The following ADAR variants were observed in gnomAD, a reference collection of about 807,000 sequenced individuals.
The protein encoded by ADAR is double-stranded RNA-specific adenosine deaminase.
ADAR carries 41 observed loss-of-function variants against 113.2 expected under a neutral mutation model. That is an observed-to-expected ratio of 0.36 (90% CI 0.28 to 0.47). The LOEUF (loss-of-function observed/expected upper bound fraction) is 0.47. ADAR is among the 20% of genes least tolerant of loss of function. The probability of loss-of-function intolerance (pLI) is 1.00; values close to 1 mark genes in which losing one functional copy is unlikely to be tolerated. For synonymous variants in ADAR, 605 were observed against 572.6 expected (o/e 1.06, Z -0.81); for missense variants, 1,242 against 1,540.9 (o/e 0.81, Z 3.25).
intron 1 of ADAR, among the ~76,000 whole-genome samples, chr1:154,625,690 C>T (rs1366154057): frequency 6.6e-6 from 1 of 152,166 alleles, no homozygotes; most frequent in East Asian, 1.9e-4. Context: ...GAAACCCCAT[C>T]TCTACTAAAA....
At chr1:154,617,480 C>A (rs1698664911) in intron 1 of ADAR, among the ~76,000 whole-genome samples, 1 of 152,150 alleles carries the variant, frequency 6.6e-6, no homozygotes, top group South Asian at 2.1e-4. Context: ...TAAACCAACA[C>A]AAAACCTCTT....
At chr1:154,619,333 T>A (rs1194717816) in intron 1 of ADAR, among the ~76,000 whole-genome samples, 3 of 152,114 alleles carry the variant, frequency 2.0e-5, no homozygotes, top group African/African-American at 7.2e-5. Flanking sequence ...AAACAATCTG[T>A]CTGGGGCTGT....
At chr1:154,595,764 G>A (rs1465249713) in intron 6 of ADAR, among the ~76,000 whole-genome samples, 2 of 152,138 alleles carry the variant, frequency 1.3e-5, no homozygotes, top group African/African-American at 4.8e-5. Context: ...TGTTTACAAA[G>A]CCTACATTAG....
intron 2 of ADAR, among the ~76,000 whole-genome samples, chr1:154,598,802 G>A (rs1455920193): frequency 6.6e-6 from 1 of 152,198 alleles, no homozygotes; most frequent in Non-Finnish European, 1.5e-5. Flanking sequence ...CCATAGCTCA[G>A]TGAAGCAAAC....
chr1:154,620,799 T>C (rs894189199), intron 1 of ADAR, among the ~76,000 whole-genome samples: 2 of 152,204 alleles, frequency 1.3e-5, no homozygotes, highest in African/African-American at 4.8e-5. Flanking sequence ...GATAGTTAAA[T>C]GGATATATTT....
chr1:154,609,480 T>C (rs1314888950), upstream of ADAR, among the ~76,000 whole-genome samples: 2 of 152,226 alleles, frequency 1.3e-5, no homozygotes, highest in Non-Finnish European at 2.9e-5. Flanking sequence ...AAATTAACAT[T>C]CCCTTGCAGG....
chr1:154,612,074 T>A (rs933168226), upstream of ADAR, among the ~76,000 whole-genome samples: 8 of 152,242 alleles, frequency 5.3e-5, no homozygotes, highest in African/African-American at 1.9e-4. Flanking sequence ...TTAACCTTAC[T>A]GCGTGCAGGG....
At chr1:154,600,829 G>A (rs1697820903) in intron 2 of ADAR, 1 of 668,900 alleles carries the variant, frequency 1.5e-6, no homozygotes, top group Non-Finnish European at 2.5e-6. Context: ...CCTCCCCCTT[G>A]TTCAGCCAAG....
In ADAR at chr1:154,600,965, C is replaced by T; in HGVS notation, c.1601+76G>A. 10 of 1,599,166 alleles carry T rather than the reference C, an allele frequency of 6.3e-6. No homozygotes were observed. In the South Asian group the frequency reaches 1.1e-4, roughly 18 times the overall value. On this transcript the variant is annotated intron_variant, in intron 2 of 14. Transcript: ENST00000368474. Reference sequence around the variant, plus strand: ...AGGCGCCACCAAACAGCACTGCTCACAAATCAGCCAAGACTGCGTCAGGAG... The same window carrying T: ...AGGCGCCACCAAACAGCACTGCTCATAAATCAGCCAAGACTGCGTCAGGAG...
At chr1:154,605,584 T>C (rs577042645) in intron 1 of ADAR, among the ~76,000 whole-genome samples, 2 of 152,192 alleles carry the variant, frequency 1.3e-5, no homozygotes, top group East Asian at 3.9e-4. Flanking sequence ...GGTGAGCTCT[T>C]GGGGGTCAAG....
At chr1:154,591,438 T>C (rs1165708217) in intron 6 of ADAR, among the ~76,000 whole-genome samples, 3 of 152,228 alleles carry the variant, frequency 2.0e-5, no homozygotes, top group Admixed American at 1.3e-4. Context: ...TTGCTGGGAG[T>C]TGTTTTTTTG....
At chr1:154,599,709 T>C (rs754365142) in intron 2 of ADAR, among the ~76,000 whole-genome samples, 2 of 151,204 alleles carry the variant, frequency 1.3e-5, no homozygotes, top group Admixed American at 6.6e-5. Context: ...GTGGTTTTGC[T>C]CTCTGTTATG....
chr1:154,600,591 A>C (rs569991597), intron 2 of ADAR: 1 of 219,228 alleles, frequency 4.6e-6, no homozygotes, highest in African/African-American at 2.3e-5. Context: ...CTCCTGTCTC[A>C]GCTTCCTGAG....
At chr1:154,602,662 A>C in intron 1 of ADAR, 36 bp from the exon 2 acceptor site, 2 of 1,609,464 alleles carry the variant, frequency 1.2e-6, no homozygotes, top group African/African-American at 1.3e-5. Context: ...AAAATGAATT[A>C]GGGCTGCAGT....
intron 3 of ADAR, among the ~76,000 whole-genome samples, 176 bp downstream of exon 3, chr1:154,598,226 G>A (rs1697633446): frequency 6.6e-6 from 1 of 152,178 alleles, no homozygotes; most frequent in Non-Finnish European, 1.5e-5. Flanking sequence ...GGAGCAGACA[G>A]AGGAGCTGGG....
At chr1:154,616,254 A>G (rs1358527715) in intron 1 of ADAR, among the ~76,000 whole-genome samples, 1 of 152,224 alleles carries the variant, frequency 6.6e-6, no homozygotes, top group Non-Finnish European at 1.5e-5. Context: ...TTATTAACAA[A>G]AAATACTTTG....
rs1452372946 is a variant in ADAR, at chr1:154,601,561, C to T, written c.1081G>A (p.Glu361Lys). Residue 361 changes from glutamate to lysine, a missense_variant, in exon 2 of 15, where the codon GAG becomes AAG. Physicochemically the swap from Glu to Lys is moderately conservative, Grantham distance 56. Coordinates refer to ENST00000368474, the MANE Select transcript of ADAR (RefSeq NM_001111.5). The surrounding 1 kb of genome is among the most constrained non-coding windows in gnomAD (Gnocchi z 4.7). ...PIWHLTDKKR[E>K]RMQIKRNTNS... ...GTATTTCTCTTGATTTGCATCCTCT[C>T]TCGCTTCTTGTCTGTCAAATGCCAT... is the stretch of plus-strand genomic sequence containing the variant. 6.8e-6 allele frequency: 11 copies of T among 1,612,600 alleles called. No homozygotes were observed. In the Admixed American group the frequency reaches 8.3e-5, roughly 12 times the overall value.
intron 5 of ADAR, 37 bp from the exon 6 acceptor site, chr1:154,597,032 A>G (rs2101620277): frequency 6.2e-7 from 1 of 1,614,054 alleles, no homozygotes; most frequent in South Asian, 1.1e-5. Context: ...AGCCATAAAC[A>G]CTTCAGGAAA....
At chr1:154,627,910 C>A (rs747703401) in exon 1 of ADAR, 6 of 518,196 alleles carry the variant, frequency 1.2e-5, no homozygotes, top group South Asian at 8.4e-5. Context: ...CCAGTGCGGC[C>A]GCGACCCTCC....
Sources: allele counts gnomAD v4.1 joint callset (sites outside exome capture counted in the v4.1 genomes callset), GRCh38; gene constraint gnomAD v4.1.1; non-coding constraint Gnocchi (gnomAD v3.1); transcripts MANE v1.5; gene names NCBI Gene and HGNC (gene_info 2026-07-23, HGNC 2026-07-21).